POLI: variants seen among roughly 807,000 people sequenced by gnomAD.
The protein encoded by POLI is RAD30 homolog B.
A neutral mutation model predicts 51.6 loss-of-function variants in POLI; 58 were observed. The ratio of observed to expected loss-of-function variants is 1.12; its 90% CI spans 0.91 to 1.40. POLI has a LOEUF of 1.40. POLI is among the 40% of genes most tolerant of loss of function. POLI has a pLI of 0.00. For synonymous variants in POLI, 322 were observed against 299.7 expected (o/e 1.07, Z -0.77); for missense variants, 921 against 871.3 (o/e 1.06, Z -0.72).
intron 4 of POLI, among the ~76,000 whole-genome samples, chr18:54,279,241 CTTT>C (rs769828054): frequency 8.4e-6 from 1 of 119,114 alleles, no homozygotes. Flanking sequence ...TATGTCTTTT[CTTT>C]TTTTTTTTTT....
chr18:54,305,322 G>A (rs2088563645), intron 3 of POLI, among the ~76,000 whole-genome samples: 2 of 152,132 alleles, frequency 1.3e-5, no homozygotes, highest in African/African-American at 4.8e-5. Context: ...GCTTGATGGG[G>A]ATGGCATTGA....
intron 8 of POLI, among the ~76,000 whole-genome samples, chr18:54,288,999 T>G (rs2087871825): frequency 6.6e-6 from 1 of 152,174 alleles, no homozygotes; most frequent in South Asian, 2.1e-4. Context: ...ACTTTCCTGT[T>G]TCTTTGCATG....
chr18:54,294,492 A>T lies in POLI; in HGVS notation c.*25A>T. On this transcript the variant is annotated 3_prime_UTR_variant, in exon 10 of 10. Coordinates refer to ENST00000579534, the MANE Select transcript of POLI (RefSeq NM_007195.3). ...AGCATATTCAGCAAAAAGGTCTGAA[A>T]AGCAAGGGAATACCATTATTTTCGG... The T allele has an allele frequency of 1.9e-6, 3 of 1,551,064 alleles. No individual in the cohort carries two copies. The highest frequency in any genetic ancestry group is 2.6e-6 in the Non-Finnish European group (3 of 1,154,070).
chr18:54,283,571 C>T (rs901746207), intron 6 of POLI, among the ~76,000 whole-genome samples: 16 of 152,196 alleles, frequency 1.1e-4, no homozygotes, highest in Non-Finnish European at 1.9e-4. Context: ...AATAACTTGT[C>T]CAAGGATAAA....
intron 7 of POLI, among the ~76,000 whole-genome samples, chr18:54,287,055 T>A (rs1195801864): frequency 6.6e-6 from 1 of 152,210 alleles, no homozygotes; most frequent in Non-Finnish European, 1.5e-5. Context: ...CAATTCTGAG[T>A]GAGGCCTGAG....
chr18:54,293,658 G>A lies in POLI; in HGVS notation c.1414G>A (p.Asp472Asn). The change falls in exon 10 of 10, where the codon GAC becomes AAC. Residue 472 changes from aspartate (D) to asparagine (N), a missense_variant. Asp to Asn is a conservative substitution (Grantham distance 23). Transcript: ENST00000579534. Reference sequence around the variant, plus strand: ...TATTCTTGTGTTCTAGAAAATGAAAGACACTCATATGGAAGATTTTCCCAA... The same window carrying A: ...TATTCTTGTGTTCTAGAAAATGAAAAACACTCATATGGAAGATTTTCCCAA... ...RSGKHSFKMK[D>N]THMEDFPKDK... 6.4e-7 allele frequency: 1 copy of A among 1,557,970 alleles called. No homozygotes were observed. The highest frequency in any genetic ancestry group is 8.6e-7 in the Non-Finnish European group (1 of 1,156,256).
At position 54,283,917 on chromosome 18, in the gene POLI, G is replaced by T; in HGVS notation, c.976-5G>T. 2 of 1,137,074 alleles carry T rather than the reference G, an allele frequency of 1.8e-6. No individual in the cohort carries two copies. Among genetic ancestry groups the T allele is most frequent in the Admixed American group, 4.1e-5 (2 of 48,684 alleles). The allele number at this position is 1,137,074 out of a possible 1,614,324, so 70.4% of individuals were successfully genotyped here. On this transcript the variant is annotated splice_region_variant and splice_polypyrimidine_tract_variant and intron_variant, in intron 6 of 9. Coordinates refer to ENST00000579534, the MANE Select transcript of POLI (RefSeq NM_007195.3). ...TGCTAATCCTTATTTATGCTTCTTT[G>T]ATAGTCCTTTAGTGAAGAAGATTCA...
chr18:54,273,858 G>A (rs951832388), intron 2 of POLI, 68 bp from the exon 3 acceptor site: 24 of 805,376 alleles, frequency 3.0e-5, no homozygotes, highest in African/African-American at 1.1e-4. Context: ...AATGTAATAC[G>A]GAATTAATAA....
chr18:54,272,344 T>C (rs2144438519), intron 2 of POLI: 1 of 152,326 alleles, frequency 6.6e-6, no homozygotes, highest in East Asian at 1.9e-4. Flanking sequence ...TAGCACTGTG[T>C]TATAAGATGT....
intron 3 of POLI, among the ~76,000 whole-genome samples, chr18:54,312,882 T>G (rs555747110): frequency 6.6e-6 from 1 of 152,182 alleles, no homozygotes; most frequent in South Asian, 2.1e-4. Flanking sequence ...TTGGAGATAT[T>G]TTCTCCCATT....
In POLI at chr18:54,296,859, A is replaced by G. The variant is rs1410223003; in HGVS notation, c.*2392A>G. On this transcript the variant is annotated 3_prime_UTR_variant, in exon 10 of 10. Transcript: ENST00000579534. Reference sequence around the variant, plus strand: ...TGTAAGTCTGTTTCTAATTTTTAAAAGTCAAATATATGATATTTTTGATAA... The same window carrying G: ...TGTAAGTCTGTTTCTAATTTTTAAAGGTCAAATATATGATATTTTTGATAA... 11 of 799,488 alleles carry G rather than the reference A, an allele frequency of 1.4e-5. No individual in the cohort carries two copies. Among genetic ancestry groups the G allele is most frequent in the Admixed American group, 1.2e-4 (2 of 16,026 alleles). 49.5% of individuals were successfully genotyped at this position (799,488 alleles called of 1,614,324 possible).
chr18:54,300,016 TAAG>T (rs1323029032), downstream of POLI, among the ~76,000 whole-genome samples: 8 of 147,292 alleles, frequency 5.4e-5, no homozygotes, highest in South Asian at 2.1e-4. Flanking sequence ...AAAAGGAAAA[TAAG>T]AACATAAGGC....
At chr18:54,299,739 T>C (rs1373183817), downstream of POLI, among the ~76,000 whole-genome samples, 1 of 152,146 alleles carries the variant, frequency 6.6e-6, no homozygotes, top group Non-Finnish European at 1.5e-5. Flanking sequence ...TTTTCCAAAT[T>C]TGAGGTTAAC....
At position 54,297,763 on chromosome 18, in the gene POLI, A is replaced by G; in HGVS notation, c.*3296A>G. The G allele has an allele frequency of 1.0e-6, 1 of 965,844 alleles. No homozygotes were observed. Among genetic ancestry groups the G allele is most frequent in the Non-Finnish European group, 1.2e-6 (1 of 812,100 alleles). The allele number at this position is 965,844 out of a possible 1,614,324, so 59.8% of individuals were successfully genotyped here. A position where few individuals can be genotyped will look rare whatever the true frequency, so the allele number is the denominator to read the frequency against. On this transcript the variant is annotated 3_prime_UTR_variant, in exon 10 of 10. Coordinates refer to ENST00000579534, the MANE Select transcript of POLI (RefSeq NM_007195.3). ...CAAACAACACAAAGGTATTGAAATA[A>G]CATTAATTCTAATTAAATTCCACAA...
rs183121208 is a variant in POLI at position 54,286,462 on chromosome 18, C to T, written c.1068-819C>T. Among the ~76,000 whole-genome samples the T allele has an allele frequency of 2.0e-3, 309 of 151,884 alleles. 2 individuals carry two copies. The highest frequency in any genetic ancestry group is 7.0e-3 in the African/African-American group (288 of 41,374). On this transcript the variant is annotated intron_variant, in intron 7 of 9. Transcript: ENST00000579534. ...GTATATGCTCTTTTAAGATATTGCTCTAATAAGCTATCATATAATGGTAAT... is the reference window on the plus strand; with the variant it reads ...GTATATGCTCTTTTAAGATATTGCTTTAATAAGCTATCATATAATGGTAAT...
intron 3 of POLI, among the ~76,000 whole-genome samples, chr18:54,274,530 TA>T (rs1455944563): frequency 1.3e-5 from 2 of 151,854 alleles, no homozygotes; most frequent in African/African-American, 2.4e-5. Context: ...GAAATATTAA[TA>T]AAAATATTGG....
intron 3 of POLI, among the ~76,000 whole-genome samples, chr18:54,304,602 G>A (rs553941569): frequency 6.6e-6 from 1 of 152,218 alleles, no homozygotes; most frequent in South Asian, 2.1e-4. Context: ...ACTTTTTGAT[G>A]GGGTTGTTTG....
chr18:54,303,040 G>A (rs1179787776), downstream of POLI, among the ~76,000 whole-genome samples: 3 of 152,210 alleles, frequency 2.0e-5, no homozygotes, highest in African/African-American at 7.2e-5. Flanking sequence ...GCTTGTGGAT[G>A]TCCAGTATTT....
chr18:54,288,083 A>G (rs1329162928), intron 8 of POLI, among the ~76,000 whole-genome samples: 1 of 152,214 alleles, frequency 6.6e-6, no homozygotes, highest in African/African-American at 2.4e-5. Context: ...ATCATATGGT[A>G]ACATGAACTG....
Sources: gnomAD v4.1 joint callset for allele counts (sites outside exome capture counted in the v4.1 genomes callset) on GRCh38, gnomAD v4.1.1 for gene constraint, MANE v1.5 for transcripts, NCBI Gene and HGNC (gene_info 2026-07-23, HGNC 2026-07-21) for gene names.